Variants in LRIG3 observed in about 807,000 individuals in gnomAD.
LRIG3 encodes the protein leucine-rich repeats and immunoglobulin-like domains protein 3.
In LRIG3, 76 loss-of-function variants were observed where a neutral mutation model predicts 114.5. The ratio of observed to expected loss-of-function variants is 0.66; its 90% CI spans 0.55 to 0.80. The LOEUF (loss-of-function observed/expected upper bound fraction) is 0.80, where lower values mean the gene tolerates loss of function less well. Among genes scored for constraint, LRIG3 ranks in the 30% least tolerant of loss-of-function variants. The pLI is 0.00. For missense variants in LRIG3, 1,239 were observed against 1,382.8 expected, an observed-to-expected ratio of 0.90 and a Z score of 1.65; for synonymous variants, 512 against 519.8, an observed-to-expected ratio of 0.98 and a Z score of 0.20.
chr12:58,886,509 C>A (rs1415831634), intron 9 of LRIG3, among the ~76,000 whole-genome samples: 1 of 151,584 alleles, frequency 6.6e-6, no homozygotes, highest in Non-Finnish European at 1.5e-5. Context: ...CCTGCACTAA[C>A]TTTTACGCAA....
Position 58,919,802 on chromosome 12 carries a change from G to T in LRIG3, c.236+198C>A, listed in dbSNP as rs540285638. ...GACGCGCCAAGAGCCCACCTGCGCC[G>T]CCCGCAAAGCACGTGGGAGGGAAAC... On this transcript the variant is annotated intron_variant, in intron 1 of 18. Coordinates refer to ENST00000320743, the MANE Select transcript of LRIG3 (RefSeq NM_153377.5). 3.9e-5 allele frequency among the ~76,000 whole-genome samples: 6 copies of T among 152,306 alleles called. No homozygotes were observed. In the South Asian group the frequency reaches 1.2e-3, roughly 32 times the overall value.
At chr12:58,905,037 A>T (rs182479736) in intron 3 of LRIG3, among the ~76,000 whole-genome samples, 1 of 152,220 alleles carries the variant, frequency 6.6e-6, no homozygotes, top group Non-Finnish European at 1.5e-5. Flanking sequence ...GGAAATACGT[A>T]TGCAAAAGAA....
In LRIG3 at chr12:58,911,601, A is replaced by G. The variant is rs574777362; in HGVS notation, c.383+2381T>C. 3.9e-5 allele frequency among the ~76,000 whole-genome samples: 6 copies of G among 152,360 alleles called. No homozygotes were observed. The East Asian group carries it at 1.2e-3, about 29-fold the overall frequency. ...ATCATTCTAAAAACTACTTTGAAAG[A>G]TATGAGATTTAATTGTGACGCTACA... On this transcript the variant is annotated intron_variant, in intron 3 of 18. Coordinates refer to ENST00000320743, the MANE Select transcript of LRIG3 (RefSeq NM_153377.5).
intron 10 of LRIG3, 101 bp from the exon 11 acceptor site, chr12:58,883,692 A>G: frequency 1.4e-6 from 1 of 697,880 alleles, no homozygotes; most frequent in Non-Finnish European, 2.4e-6. Flanking sequence ...TGCCAAACAA[A>G]TACTCCCTCT....
rs982330944 is a variant in LRIG3 at position 58,877,316 on chromosome 12, T to A, written c.2536+84A>T. The A allele has an allele frequency of 1.8e-5, 25 of 1,385,310 alleles. No individual in the cohort carries two copies. In the Admixed American group the frequency reaches 2.4e-4, roughly 14 times the overall value. The allele number at this position is 1,385,310 out of a possible 1,614,324, so 85.8% of individuals were successfully genotyped here. A position where few individuals can be genotyped will look rare whatever the true frequency, so the allele number is the denominator to read the frequency against. The stretch of plus-strand genomic sequence containing the variant: ...TCACCCTTCTGAGATGAACTCAGAC[T>A]GCAAGACACACGTTCTAGAAGTATT... On this transcript the variant is annotated intron_variant, in intron 15 of 18. Transcript: ENST00000320743.
Position 58,874,449 on chromosome 12 carries a change from A to C in LRIG3, c.2820T>G (p.Pro940=). 6.2e-7 allele frequency: 1 copy of C among 1,614,198 alleles called. No homozygotes were observed. The highest frequency in any genetic ancestry group is 8.5e-7 in the Non-Finnish European group (1 of 1,180,024). The change falls in exon 17 of 19, where the codon CCT becomes CCG. Residue 940 remains proline, a synonymous_variant. Transcript: ENST00000320743. ...YLKGNVYGSD[P]FETYHTGCSP... ...ACCTACCTGTATGATATGTTTCAAA[A>C]GGATCTGAGCCATACACATTTCCCT... is the stretch of plus-strand genomic sequence containing the variant.
chr12:58,887,594 T>C (rs540537706), intron 8 of LRIG3, among the ~76,000 whole-genome samples, 195 bp downstream of exon 8: 85 of 152,316 alleles, frequency 5.6e-4, no homozygotes, highest in Non-Finnish European at 9.6e-4. Flanking sequence ...CTGATCACTG[T>C]CCTTTTTAAT....
intron 7 of LRIG3, 22 bp from the exon 8 acceptor site, chr12:58,887,954 GC>G (rs1375376457): frequency 6.2e-7 from 1 of 1,601,552 alleles, no homozygotes. Context: ...AAAGAGAAAA[GC>G]AATAGCTTTT....
chr12:58,873,782 T>C (rs61096689), intron 18 of LRIG3: 34,554 of 496,760 alleles, frequency 0.07, 4,014 homozygotes, highest in African/African-American at 0.37. Context: ...AGCTCCTAAG[T>C]CCTCCCCAAA....
chr12:58,906,301 C>T (rs530983182), intron 3 of LRIG3, among the ~76,000 whole-genome samples: 3 of 152,088 alleles, frequency 2.0e-5, no homozygotes, highest in African/African-American at 4.8e-5. Flanking sequence ...CAACTATTTG[C>T]GGTCTACTGC....
intron 13 of LRIG3, among the ~76,000 whole-genome samples, chr12:58,880,034 T>C (rs1244319834): frequency 6.6e-6 from 1 of 152,144 alleles, no homozygotes; most frequent in Non-Finnish European, 1.5e-5. Flanking sequence ...GGCTCACACC[T>C]GTAATCCCAG....
intron 1 of LRIG3, chr12:58,919,413 G>T (rs200861933): frequency 6.4e-7 from 1 of 1,551,610 alleles, no homozygotes; most frequent in Non-Finnish European, 8.7e-7. Context: ...TCTGGTTGAG[G>T]AGTGGGAACT....
Position 58,920,314 on chromosome 12 carries a change from G to A in LRIG3, c.-79C>T. The A allele has an allele frequency of 8.9e-7, 1 of 1,124,626 alleles. No individual in the cohort carries two copies. The highest frequency in any genetic ancestry group is 1.2e-6 in the Non-Finnish European group (1 of 866,994). 69.7% of individuals were successfully genotyped at this position (1,124,626 alleles called of 1,614,324 possible). A position where few individuals can be genotyped will look rare whatever the true frequency, so the allele number is the denominator to read the frequency against. On this transcript the variant is annotated 5_prime_UTR_variant, in exon 1 of 19. Coordinates refer to ENST00000320743, the MANE Select transcript of LRIG3 (RefSeq NM_153377.5). ...GGGCCCGGCACAAACTTCCAGCCGA[G>A]GGTGCACGCCCGCCCTCGCGGTCGC...
intron 3 of LRIG3, among the ~76,000 whole-genome samples, chr12:58,900,306 C>T (rs1321735233): frequency 6.7e-6 from 1 of 149,426 alleles, no homozygotes; most frequent in Non-Finnish European, 1.5e-5. Flanking sequence ...TTTTGATCAA[C>T]TTCACTATTT....
At chr12:58,905,071 C>A (rs563649066) in intron 3 of LRIG3, among the ~76,000 whole-genome samples, 2 of 152,296 alleles carry the variant, frequency 1.3e-5, no homozygotes, top group East Asian at 3.9e-4. Flanking sequence ...CAACCTGGCA[C>A]ATCTGGAGAA....
In LRIG3 at chr12:58,890,743, G is replaced by T; in HGVS notation, c.437C>A (p.Ser146Tyr). Residue 146 changes from serine to tyrosine, a missense_variant, in exon 4 of 19, where the codon TCC becomes TAC. By Grantham distance (144) the Ser-to-Tyr change is moderately radical. Transcript: ENST00000320743. ...GCTGCTAAGGTCCAAAGTTTCAAGG[G>T]ACTGAAACTCTTTCAGATGTTCAGG... ...ILPEHLKEFQ[S>Y]LETLDLSSNN... 6.2e-7 allele frequency: 1 copy of T among 1,605,448 alleles called. No homozygotes were observed. The highest frequency in any genetic ancestry group is 8.5e-7 in the Non-Finnish European group (1 of 1,176,350).
rs756385929 is a variant in LRIG3, at chr12:58,877,785, C to T, written c.2151G>A (p.Gln717=). The T allele has an allele frequency of 3.7e-6, 6 of 1,614,202 alleles. No individual in the cohort carries two copies. The highest frequency in any genetic ancestry group is 1.3e-5 in the African/African-American group (1 of 75,056). Residue 717 remains glutamine, a synonymous_variant, in exon 15 of 19, where the codon CAG becomes CAA. Transcript: ENST00000320743. ...TVTKGETAVL[Q]CIAGGSPPPK... Reference sequence around the variant, plus strand: ...GGGGAGGGCTTCCTCCAGCAATGCACTGTAGGACGGCTGTTTCTCCCTTGG... The same window carrying T: ...GGGGAGGGCTTCCTCCAGCAATGCATTGTAGGACGGCTGTTTCTCCCTTGG...
intron 3 of LRIG3, among the ~76,000 whole-genome samples, chr12:58,909,181 C>A (rs1049257490): frequency 6.6e-6 from 1 of 152,172 alleles, no homozygotes; most frequent in African/African-American, 2.4e-5. Context: ...AGGACTTAAT[C>A]CCCTTCTGAT....
chr12:58,905,672 A>G (rs1467436075), intron 3 of LRIG3, among the ~76,000 whole-genome samples: 2 of 152,130 alleles, frequency 1.3e-5, no homozygotes, highest in African/African-American at 4.8e-5. Flanking sequence ...TGATGAATTA[A>G]TGGTTTAATA....
Sources: allele counts gnomAD v4.1 joint callset (sites outside exome capture counted in the v4.1 genomes callset), GRCh38; gene constraint gnomAD v4.1.1; transcripts MANE v1.5; gene names NCBI Gene and HGNC (gene_info 2026-07-23, HGNC 2026-07-21).